The following ESRP2 variants were observed in gnomAD, a reference collection of about 807,000 sequenced individuals.
ESRP2 encodes epithelial splicing regulatory protein 2.
Under a neutral mutation model 78.6 loss-of-function variants are expected in ESRP2, and 48 were observed. The observed-to-expected ratio is 0.61, with a 90% CI of 0.48 to 0.78. The LOEUF is 0.78. ESRP2 is among the 30% of genes least tolerant of loss of function. ESRP2 has a pLI of 0.00. For missense variants in ESRP2, 863 were observed against 965.9 expected, an observed-to-expected ratio of 0.89 and a Z score of 1.41; for synonymous variants, 383 against 406.7, an observed-to-expected ratio of 0.94 and a Z score of 0.70.
In ESRP2 at chr16:68,229,959, G is replaced by T. The variant is rs777556380; in HGVS notation, c.*267C>A. On this transcript the variant is annotated 3_prime_UTR_variant, in exon 15 of 15. Transcript: ENST00000473183. ...GGACAGACTTAAGGGCTCTCCAGGT[G>T]CCAGTCAAGATGCCTGGCTCAGGCC... 1.1e-4 allele frequency: 58 copies of T among 526,980 alleles called. No individual in the cohort carries two copies. Among genetic ancestry groups the T allele is most frequent in the Non-Finnish European group, 1.7e-4 (50 of 291,570 alleles). 32.6% of individuals were successfully genotyped at this position (526,980 alleles called of 1,614,324 possible).
chr16:68,231,692 G>A lies in ESRP2; in HGVS notation c.1302C>T (p.Val434=). Residue 434 remains valine (V), a splice_region_variant and synonymous_variant, in exon 11 of 15, where the codon GTC becomes GTT. Transcript: ENST00000473183. The surrounding 1 kb of genome is among the most constrained non-coding windows in gnomAD (Gnocchi z 6.0). ...GTGGGCCGGATGCATAGCGGTTCAA[G>A]ACCTAGTAAGGAAGGCAGCAACAGG... ...FRSTAAEVQQ[V]LNRYASGPLL... The A allele has an allele frequency of 6.2e-7, 1 of 1,602,572 alleles. No individual in the cohort carries two copies. The highest frequency in any genetic ancestry group is 8.5e-7 in the Non-Finnish European group (1 of 1,172,204).
At position 68,231,316 on chromosome 16, in the gene ESRP2, C is replaced by T. The variant is rs1333060080; in HGVS notation, c.1573G>A (p.Ala525Thr). 6.2e-7 allele frequency: 1 copy of T among 1,614,046 alleles called. No homozygotes were observed. Among genetic ancestry groups the T allele is most frequent in the African/African-American group, 1.3e-5 (1 of 74,916 alleles). ...ATCACCTTCTTATGGCAACGCTGAG[C>T]AGCAGCTAGGGCTCGCTCTGCTGAT... ...MTSAERALAAAQRCHKKVMKE... is the reference protein window; with the variant it reads ...MTSAERALAATQRCHKKVMKE... The change falls in exon 12 of 15, where the codon GCT (alanine) becomes ACT (threonine). Residue 525 changes from alanine (A) to threonine (T), a missense_variant. Transcript: ENST00000473183. The surrounding 1 kb of genome is among the most constrained non-coding windows in gnomAD (Gnocchi z 6.0).
chr16:68,231,943 A>T lies in ESRP2; in HGVS notation c.1158T>A (p.His386Gln). ...GGTEGLLFVR[H>Q]PDGRPTGDAF... ...CATCACCAGTCGGCCGGCCATCAGGATGGCGCACAAAGAGCAGCCCCTCGG... is the reference window on the plus strand; with the variant it reads ...CATCACCAGTCGGCCGGCCATCAGGTTGGCGCACAAAGAGCAGCCCCTCGG... Residue 386 changes from histidine (H) to glutamine (Q), a missense_variant, in exon 10 of 15, where the codon CAT (histidine) becomes CAA (glutamine). By Grantham distance (24) the His-to-Gln change is conservative. Coordinates refer to ENST00000473183, the MANE Select transcript of ESRP2 (RefSeq NM_024939.3). The surrounding 1 kb of genome is among the most constrained non-coding windows in gnomAD (Gnocchi z 6.0). 1 of 1,614,022 alleles carries T rather than the reference A, an allele frequency of 6.2e-7. No homozygotes were observed. Among genetic ancestry groups the T allele is most frequent in the Non-Finnish European group, 8.5e-7 (1 of 1,179,998 alleles).
Position 68,233,393 on chromosome 16 carries a change from C to T in ESRP2, c.589G>A (p.Asp197Asn), listed in dbSNP as rs756468452. Residue 197 changes from aspartate (D) to asparagine (N), a missense_variant, in exon 5 of 15, where the codon GAC (aspartate) becomes AAC (asparagine). Transcript: ENST00000473183. ...LGLETDATED[D>N]FGVWEVKTMV... ...GTCTTGACTTCCCAGACCCCAAAGT[C>T]ATCCTCTGTGGCATCTGTCTCCAGT... 1.2e-6 allele frequency: 2 copies of T among 1,614,072 alleles called. No homozygotes were observed. The highest frequency in any genetic ancestry group is 2.2e-5 in the South Asian group (2 of 91,082).
chr16:68,235,778 G>A lies in ESRP2; in HGVS notation c.199-16C>T. ...GCGTCCCCACCTGTGAGCGGCGGGG[G>A]AAACCGATCAGCCGCGCCCCTCGAC... On this transcript the variant is annotated splice_polypyrimidine_tract_variant and intron_variant, in intron 1 of 14. Transcript: ENST00000473183. The surrounding 1 kb of genome is among the most constrained non-coding windows in gnomAD (Gnocchi z 5.5). The A allele has an allele frequency of 2.5e-6, 4 of 1,609,192 alleles. No homozygotes were observed. Among genetic ancestry groups the A allele is most frequent in the South Asian group, 1.1e-5 (1 of 90,688 alleles).
Position 68,235,106 on chromosome 16 carries a change from G to A in ESRP2, c.327+528C>T. ...GCAGGCAGATAGTCCCCCAGGCCAG[G>A]CCGGGACAGCGCCCACGCCTGGCCA... On this transcript the variant is annotated intron_variant, in intron 2 of 14. Transcript: ENST00000473183. This position sits in a 1 kb window ranked among gnomAD's most constrained non-coding sequence, Gnocchi z 5.5. 3.0e-6 allele frequency: 3 copies of A among 989,678 alleles called. No homozygotes were observed. The highest frequency in any genetic ancestry group is 3.6e-6 in the Non-Finnish European group (3 of 832,506). The allele number at this position is 989,678 out of a possible 1,614,324, so 61.3% of individuals were successfully genotyped here.
rs1424629491 is a variant in ESRP2, at chr16:68,235,988, C to G, written c.58G>C (p.Ala20Pro). The change falls in exon 1 of 15, where the codon GCC becomes CCC. Residue 20 changes from alanine to proline, a missense_variant. Transcript: ENST00000473183. The surrounding 1 kb of genome is among the most constrained non-coding windows in gnomAD (Gnocchi z 5.5). Reference protein sequence around the residue: ...PPGPDPAADPAADPCPWPGSL... With the variant: ...PPGPDPAADPPADPCPWPGSL... ...CCGGGCCAGGGGCAGGGGTCCGCGG[C>G]GGGGTCGGCCGCGGGGTCAGGGCCC... is the stretch of plus-strand genomic sequence containing the variant. 2.5e-6 allele frequency: 4 copies of G among 1,579,234 alleles called. No homozygotes were observed. The highest frequency in any genetic ancestry group is 3.4e-6 in the Non-Finnish European group (4 of 1,165,592).
intron 2 of ESRP2, 176 bp from the exon 3 acceptor site, chr16:68,234,283 A>AC (rs2042191109): frequency 5.1e-6 from 3 of 585,466 alleles, no homozygotes; most frequent in Non-Finnish European, 9.1e-6. Flanking sequence ...CCTTCCCCTC[A>AC]CCCCCCAACC....
Position 68,232,496 on chromosome 16 carries a change from C to T in ESRP2, c.829G>A (p.Val277Ile). Residue 277 changes from valine to isoleucine, a missense_variant, in exon 8 of 15, where the codon GTA (valine) becomes ATA (isoleucine). Physicochemically the swap from Val to Ile is conservative, Grantham distance 29 (BLOSUM62 3). Transcript: ENST00000473183. This position sits in a 1 kb window ranked among gnomAD's most constrained non-coding sequence, Gnocchi z 5.2. ...CCCTGGGCGTTGAGGCAGAGTGCTA[C>T]ACCACCCCTGTGGAGCCAGTGCTGT... ...FKGLNVARGG[V>I]ALCLNAQGRR... 3 of 1,614,154 alleles carry T rather than the reference C, an allele frequency of 1.9e-6. No homozygotes were observed. Among genetic ancestry groups the T allele is most frequent in the South Asian group, 2.2e-5 (2 of 91,082 alleles).
chr16:68,230,219 T>C lies in ESRP2; in HGVS notation c.*7A>G. 6.2e-7 allele frequency: 1 copy of C among 1,614,062 alleles called. No individual in the cohort carries two copies. The highest frequency in any genetic ancestry group is 8.5e-7 in the Non-Finnish European group (1 of 1,179,904). ...ATCAGCTGGCTCTTACCTCCTGGCT[T>C]TCTCTCCTACAAACACACCCATTCC... On this transcript the variant is annotated 3_prime_UTR_variant, in exon 15 of 15. Transcript: ENST00000473183.
chr16:68,230,625 C>CCT, intron 13 of ESRP2, 71 bp from the exon 14 acceptor site: 2 of 1,495,874 alleles, frequency 1.3e-6, no homozygotes, highest in Non-Finnish European at 8.9e-7. Flanking sequence ...TTTCCCTCCT[C>CCT]CCTTGTTTCT....
intron 4 of ESRP2, 93 bp downstream of exon 4, chr16:68,233,675 A>C: frequency 2.2e-6 from 2 of 916,348 alleles, no homozygotes; most frequent in Non-Finnish European, 3.5e-6. Context: ...GCAGTCTTGT[A>C]TGTGTCCATA....
In ESRP2 at chr16:68,235,757, C is replaced by A. The variant is rs1385167537; in HGVS notation, c.204G>T (p.Gly68=). Residue 68 remains glycine, a synonymous_variant, in exon 2 of 15, where the codon GGG becomes GGT. Transcript: ENST00000473183. This position sits in a 1 kb window ranked among gnomAD's most constrained non-coding sequence, Gnocchi z 5.5. ...CACGAACCAGCGATTTGTGCAGCGT[C>A]CCCACCTGTGAGCGGCGGGGGAAAC... The part of the protein sequence containing the change: ...QVVEPRSRQV[G]TLHKSLVRAE... 1 of 1,610,090 alleles carries A rather than the reference C, an allele frequency of 6.2e-7. No homozygotes were observed. Among genetic ancestry groups the A allele is most frequent in the Non-Finnish European group, 8.5e-7 (1 of 1,179,018 alleles).
In ESRP2 at chr16:68,232,894, T is replaced by A; in HGVS notation, c.656-79A>T. 6.3e-7 allele frequency: 1 copy of A among 1,592,478 alleles called. No individual in the cohort carries two copies. The highest frequency in any genetic ancestry group is 8.6e-7 in the Non-Finnish European group (1 of 1,163,258). On this transcript the variant is annotated intron_variant, in intron 5 of 14. Coordinates refer to ENST00000473183, the MANE Select transcript of ESRP2 (RefSeq NM_024939.3). This position sits in a 1 kb window ranked among gnomAD's most constrained non-coding sequence, Gnocchi z 5.2. ...ACCAAGTTCTGCAAAAAGTGGACAATTGAGAGAGATGAAGAAATGACAGGC... is the reference window on the plus strand; with the variant it reads ...ACCAAGTTCTGCAAAAAGTGGACAAATGAGAGAGATGAAGAAATGACAGGC...
At position 68,229,571 on chromosome 16, in the gene ESRP2, C is replaced by G. The variant is rs1245803463; in HGVS notation, c.*655G>C. ...GTTTTGTGTGGGGGCCTACTGCCCCCTAATGTCTTCTGGTGATACTGCAGC... is the reference window on the plus strand; with the variant it reads ...GTTTTGTGTGGGGGCCTACTGCCCCGTAATGTCTTCTGGTGATACTGCAGC... On this transcript the variant is annotated 3_prime_UTR_variant, in exon 15 of 15. Transcript: ENST00000473183. The G allele has an allele frequency of 6.6e-6, 1 of 152,390 alleles. No homozygotes were observed. Among genetic ancestry groups the G allele is most frequent in the African/African-American group, 2.4e-5 (1 of 41,426 alleles). 9.4% of individuals were successfully genotyped at this position (152,390 alleles called of 1,614,324 possible). A position where few individuals can be genotyped will look rare whatever the true frequency, so the allele number is the denominator to read the frequency against.
Position 68,233,806 on chromosome 16 carries a change from C to G in ESRP2, c.518G>C (p.Cys173Ser). 1 of 1,614,096 alleles carries G rather than the reference C, an allele frequency of 6.2e-7. No individual in the cohort carries two copies. The change falls in exon 4 of 15, where the codon TGC (cysteine) becomes TCC (serine). Residue 173 changes from cysteine to serine, a missense_variant. Transcript: ENST00000473183. ...GGCCACAGTGAGGTCCCTGGCAGGG[C>G]AGGTGCTTGGATGCTGCATATGGAA... The part of the protein sequence containing the change: ...REFHMQHPST[C>S]PARDLTVATM...
chr16:68,229,500 A>G lies in ESRP2; in HGVS notation c.*726T>C, dbSNP rs2042096073. On this transcript the variant is annotated 3_prime_UTR_variant, in exon 15 of 15. Transcript: ENST00000473183. ...GCAACTGGCTTTCCCAAGGCATACA[A>G]GAAAAGTTGGCAGAAAGTCCTCCCC... 6.5e-6 allele frequency: 1 copy of G among 152,752 alleles called. No individual in the cohort carries two copies. The highest frequency in any genetic ancestry group is 1.5e-5 in the Non-Finnish European group (1 of 68,136). The allele number at this position is 152,752 out of a possible 1,614,324, so 9.5% of individuals were successfully genotyped here. A position where few individuals can be genotyped will look rare whatever the true frequency, so the allele number is the denominator to read the frequency against.
At chr16:68,233,182 G>C in intron 5 of ESRP2, 145 bp downstream of exon 5, 1 of 631,516 alleles carries the variant, frequency 1.6e-6, no homozygotes, top group Non-Finnish European at 2.7e-6. Context: ...CTAGGCTACA[G>C]AGGGAGACTG....
rs762833912 is a variant in ESRP2, at chr16:68,235,646, C to T, written c.315G>A (p.Lys105=). Residue 105 remains lysine, a synonymous_variant, in exon 2 of 15, where the codon AAG becomes AAA. Coordinates refer to ENST00000473183, the MANE Select transcript of ESRP2 (RefSeq NM_024939.3). This position sits in a 1 kb window ranked among gnomAD's most constrained non-coding sequence, Gnocchi z 5.5. Reference sequence around the variant, plus strand: ...CCCCGGCGCTCACCTGCTGCAGCACCTTGTCCAGCGGCTCTGCCCGCGCCA... The same window carrying T: ...CCCCGGCGCTCACCTGCTGCAGCACTTTGTCCAGCGGCTCTGCCCGCGCCA... ...DSLARAEPLD[K]VLQQFSQLVN... 1.2e-5 allele frequency: 19 copies of T among 1,597,654 alleles called. No individual in the cohort carries two copies. Among genetic ancestry groups the T allele is most frequent in the East Asian group, 2.2e-5 (1 of 44,830 alleles).
Sources: gnomAD v4.1 joint callset for allele counts on GRCh38, gnomAD v4.1.1 for gene constraint, Gnocchi (gnomAD v3.1) non-coding constraint, MANE v1.5 for transcripts, NCBI Gene and HGNC (gene_info 2026-07-23, HGNC 2026-07-21) for gene names.